Variants in RNF31 observed in about 807,000 individuals in gnomAD.
The protein encoded by RNF31 is ring finger protein 31, also known as E3 ubiquitin-protein ligase RNF31.
In RNF31, 38 loss-of-function variants were observed where a neutral mutation model predicts 133.6. The observed-to-expected ratio is 0.28, with a 90% confidence interval of 0.22 to 0.37. The LOEUF is 0.37. Among genes scored for constraint, RNF31 ranks in the 10% least tolerant of loss-of-function variants. The pLI, the probability that RNF31 is intolerant of heterozygous loss-of-function variation, is 1.00. For missense variants in RNF31, 1,118 were observed against 1,394.1 expected (o/e 0.80, Z 3.15); for synonymous variants, 582 against 552.3 (o/e 1.05, Z -0.75).
chr14:24,153,615 TA>T (rs1445940732), intron 11 of RNF31, among the ~76,000 whole-genome samples: 2 of 148,926 alleles, frequency 1.3e-5, no homozygotes, highest in African/African-American at 5.0e-5. Flanking sequence ...ATAAAATACA[TA>T]AAGTTGGCCA....
intron 5 of RNF31, chr14:24,149,142 T>TAA (rs2038224946): frequency 1.7e-6 from 1 of 593,108 alleles, no homozygotes; most frequent in Non-Finnish European, 3.0e-6. Flanking sequence ...TTTGTATTTT[T>TAA]GGTAGAGATG....
At chr14:24,154,634 A>G (rs556527181) in intron 11 of RNF31, among the ~76,000 whole-genome samples, 2 of 152,232 alleles carry the variant, frequency 1.3e-5, no homozygotes, top group African/African-American at 2.4e-5. Flanking sequence ...GAAATAAGAC[A>G]TTGCTCCAAT....
chr14:24,147,827 G>A lies in RNF31; in HGVS notation c.129G>A (p.Pro43=). ...QLRPLLASSL[P]LAARYLQLDA... ...GGCCGCTACTAGCCAGCTCTCTGCC[G>A]CTAGCCGCCCGCTACCTGCAGCTGG... The change falls in exon 1 of 21, where the codon CCG becomes CCA. Residue 43 remains proline (P), a synonymous_variant. Coordinates refer to ENST00000324103, the MANE Select transcript of RNF31 (RefSeq NM_017999.5). 1 of 1,607,662 alleles carries A rather than the reference G, an allele frequency of 6.2e-7. No individual in the cohort carries two copies. Among genetic ancestry groups the A allele is most frequent in the Non-Finnish European group, 8.5e-7 (1 of 1,178,538 alleles).
At chr14:24,147,262 C>T (rs1205888434), upstream of RNF31, 2 of 170,922 alleles carry the variant, frequency 1.2e-5, no homozygotes, top group Non-Finnish European at 2.5e-5. Context: ...GATAACCCCG[C>T]GCCTGCGGCT....
In RNF31 at chr14:24,149,398, C is replaced by T. The variant is rs753446597; in HGVS notation, c.632-8C>T. The T allele has an allele frequency of 1.3e-5, 21 of 1,610,502 alleles. 1 individual carries two copies. Among genetic ancestry groups the T allele is most frequent in the Admixed American group, 1.7e-5 (1 of 59,824 alleles). Reference sequence around the variant, plus strand: ...TTGGAAAGATGTTCCATCTCTCCTGCCCTCCAGGCTCCACTCCTGGTCCCT... The same window carrying T: ...TTGGAAAGATGTTCCATCTCTCCTGTCCTCCAGGCTCCACTCCTGGTCCCT... On this transcript the variant is annotated splice_polypyrimidine_tract_variant and splice_region_variant and intron_variant, in intron 5 of 20. Coordinates refer to ENST00000324103, the MANE Select transcript of RNF31 (RefSeq NM_017999.5).
Position 24,160,413 on chromosome 14 carries a change from G to T in RNF31, c.3165+6G>T. On this transcript the variant is annotated splice_donor_region_variant and intron_variant, in intron 20 of 20. Coordinates refer to ENST00000324103, the MANE Select transcript of RNF31 (RefSeq NM_017999.5). This position sits in a 1 kb window ranked among gnomAD's most constrained non-coding sequence, Gnocchi z 4.0. ...ACCAGGCCCGCTTGTTACAGGTATAGCCTCCACCCAGCCTCATCTCTTAAC... is the reference window on the plus strand; with the variant it reads ...ACCAGGCCCGCTTGTTACAGGTATATCCTCCACCCAGCCTCATCTCTTAAC... The T allele has an allele frequency of 6.2e-7, 1 of 1,613,166 alleles. No individual in the cohort carries two copies. Among genetic ancestry groups the T allele is most frequent in the Non-Finnish European group, 8.5e-7 (1 of 1,179,298 alleles).
intron 6 of RNF31, 135 bp from the exon 7 acceptor site, chr14:24,149,926 G>A: frequency 9.4e-7 from 1 of 1,059,018 alleles, no homozygotes; most frequent in Non-Finnish European, 1.4e-6. Context: ...TATGGGTATA[G>A]GAGTATTCGA....
Position 24,152,171 on chromosome 14 carries a change from C to T in RNF31, c.2130+179C>T, listed in dbSNP as rs189357004. Among the ~76,000 whole-genome samples the T allele has an allele frequency of 4.6e-4, 70 of 152,256 alleles. No homozygotes were observed. The East Asian group carries it at 0.011, about 24-fold the overall frequency. On this transcript the variant is annotated intron_variant, in intron 11 of 20. Coordinates refer to ENST00000324103, the MANE Select transcript of RNF31 (RefSeq NM_017999.5). Reference sequence around the variant, plus strand: ...ATCTCCTCCCTTTTAAAACAATGTTCTATTATGGAAATTTTCAAACATGCA... The same window carrying T: ...ATCTCCTCCCTTTTAAAACAATGTTTTATTATGGAAATTTTCAAACATGCA...
chr14:24,150,995 C>T (rs1029096245), intron 8 of RNF31, 107 bp downstream of exon 8: 3 of 1,500,014 alleles, frequency 2.0e-6, no homozygotes, highest in Non-Finnish European at 2.7e-6. Context: ...CAGCAGCTGC[C>T]TGTTACTGAG....
Position 24,159,866 on chromosome 14 carries a change from G to A in RNF31, c.2902G>A (p.Gly968Ser), listed in dbSNP as rs756580087. The A allele has an allele frequency of 6.2e-7, 1 of 1,613,842 alleles. No homozygotes were observed. The highest frequency in any genetic ancestry group is 8.5e-7 in the Non-Finnish European group (1 of 1,179,806). ...CTCCCTTCTTCCCTCACCTTTAGGC[G>A]GCTGCCGAGTGATAGAGCAGAAGGA... Reference protein sequence around the residue: ...PAGARAVPGGGCRVIEQKEVP... With the variant: ...PAGARAVPGGSCRVIEQKEVP... The change falls in exon 19 of 21, where the codon GGC becomes AGC. Residue 968 changes from glycine to serine, a missense_variant and splice_region_variant. This residue lies in a region of RNF31 where 170 missense variants were observed against 194.5 expected (regional missense o/e 0.87). Coordinates refer to ENST00000324103, the MANE Select transcript of RNF31 (RefSeq NM_017999.5).
chr14:24,154,049 G>T (rs538190222), intron 11 of RNF31, among the ~76,000 whole-genome samples: 1 of 151,212 alleles, frequency 6.6e-6, no homozygotes, highest in Non-Finnish European at 1.5e-5. Flanking sequence ...TGGCTGGAGC[G>T]CAGTCGCGCA....
chr14:24,147,295 T>G (rs1244194034), upstream of RNF31: 1 of 182,010 alleles, frequency 5.5e-6, no homozygotes, highest in Non-Finnish European at 1.1e-5. Flanking sequence ...TGGAACCAGA[T>G]TGGGGGAAGG....
At chr14:24,156,309 AT>A (rs938599022) in intron 14 of RNF31, among the ~76,000 whole-genome samples, 2 of 151,900 alleles carry the variant, frequency 1.3e-5, no homozygotes, top group Admixed American at 6.6e-5. Context: ...TCGTTTATTT[AT>A]TTATTTATTT....
chr14:24,154,345 C>T lies in RNF31; in HGVS notation c.2131-812C>T, dbSNP rs541157796. 3.3e-5 allele frequency among the ~76,000 whole-genome samples: 5 copies of T among 152,204 alleles called. No individual in the cohort carries two copies. In the South Asian group the frequency reaches 6.2e-4, roughly 19 times the overall value. On this transcript the variant is annotated intron_variant, in intron 11 of 20. Coordinates refer to ENST00000324103, the MANE Select transcript of RNF31 (RefSeq NM_017999.5). ...GCTAATTTTGTATTTTTAGTAGAGA[C>T]GGGTCAGGCTGGTCTGGAACTCCAG...
intron 16 of RNF31, 120 bp downstream of exon 16, chr14:24,157,758 ACT>A (rs548601934): frequency 3.9e-5 from 43 of 1,096,558 alleles, no homozygotes; most frequent in Non-Finnish European, 4.6e-5. Context: ...GTAAAGCACA[ACT>A]CTCTGTCCCC....
At chr14:24,149,773 A>G (rs1354465637) in intron 6 of RNF31, among the ~76,000 whole-genome samples, 190 bp downstream of exon 6, 1 of 152,222 alleles carries the variant, frequency 6.6e-6, no homozygotes, top group African/African-American at 2.4e-5. Context: ...TTGTTATGGT[A>G]ATAGGTGGTT....
chr14:24,151,609 G>A lies in RNF31; in HGVS notation c.1862G>A (p.Arg621His), dbSNP rs775375791. The part of the protein sequence containing the change: ...ELQRQRLEPF[R>H]QRLWDSGPEP... ...CAGCGCCAACGCCTAGAGCCCTTCCGCCAGCGCCTCTGGGACAGTGGCCCT... is the reference window on the plus strand; with the variant it reads ...CAGCGCCAACGCCTAGAGCCCTTCCACCAGCGCCTCTGGGACAGTGGCCCT... The change falls in exon 10 of 21, where the codon CGC becomes CAC. Residue 621 changes from arginine (R) to histidine (H), a missense_variant. Transcript: ENST00000324103. This position sits in a 1 kb window ranked among gnomAD's most constrained non-coding sequence, Gnocchi z 5.3. 3.9e-5 allele frequency: 63 copies of A among 1,613,558 alleles called. No individual in the cohort carries two copies. The highest frequency in any genetic ancestry group is 6.7e-5 in the African/African-American group (5 of 74,910).
At position 24,155,089 on chromosome 14, in the gene RNF31, CA is replaced by C; in HGVS notation, c.2131-67del. 1 of 1,500,628 alleles carries C rather than the reference CA, an allele frequency of 6.7e-7. No homozygotes were observed. Among genetic ancestry groups the C allele is most frequent in the African/African-American group, 1.4e-5 (1 of 72,782 alleles). 93.0% of individuals were successfully genotyped at this position (1,500,628 alleles called of 1,614,324 possible). ...CCTGATTTCTTAGTGGACACCTGGCCACTGCCTCTTCCCTAGCCTGGCAGCT... is the reference window on the plus strand; with the variant it reads ...CCTGATTTCTTAGTGGACACCTGGCCCTGCCTCTTCCCTAGCCTGGCAGCT... On this transcript the variant is annotated intron_variant, in intron 11 of 20. Transcript: ENST00000324103. The surrounding 1 kb of genome is among the most constrained non-coding windows in gnomAD (Gnocchi z 4.9).
Position 24,148,884 on chromosome 14 carries a change from T to C in RNF31, c.631+8T>C. On this transcript the variant is annotated splice_region_variant and intron_variant, in intron 5 of 20. Transcript: ENST00000324103. ...CCACACCCTCTGTCCCAGGTATTATTGGTCCTAAATTGGGGACCAGGTAGG... is the reference window on the plus strand; with the variant it reads ...CCACACCCTCTGTCCCAGGTATTATCGGTCCTAAATTGGGGACCAGGTAGG... The C allele has an allele frequency of 6.2e-7, 1 of 1,612,738 alleles. No individual in the cohort carries two copies. The highest frequency in any genetic ancestry group is 2.2e-5 in the East Asian group (1 of 44,884).
Sources: allele counts gnomAD v4.1 joint callset (sites outside exome capture counted in the v4.1 genomes callset), GRCh38; gene constraint gnomAD v4.1.1; regional missense constraint gnomAD v4.1.1; non-coding constraint Gnocchi (gnomAD v3.1); transcripts MANE v1.5; gene names NCBI Gene and HGNC (gene_info 2026-07-23, HGNC 2026-07-21).